Variants in HSF2BP observed in about 807,000 individuals in gnomAD.
The protein encoded by HSF2BP is heat shock factor 2-binding protein.
A neutral mutation model predicts 35.0 loss-of-function variants in HSF2BP; 35 were observed. That is an observed-to-expected ratio of 1.00 (90% CI 0.76 to 1.32). The LOEUF is 1.32. HSF2BP is among the 40% of genes most tolerant of loss of function. The pLI is 0.00. For synonymous variants in HSF2BP, 114 were observed against 117.4 expected, an observed-to-expected ratio of 0.97 and a Z score of 0.18; for missense variants, 326 against 321.7, an observed-to-expected ratio of 1.01 and a Z score of -0.10.
chr21:43,633,805 A>C (rs1289833026), intron 4 of HSF2BP, among the ~76,000 whole-genome samples: 1 of 152,250 alleles, frequency 6.6e-6, no homozygotes, highest in African/African-American at 2.4e-5. Flanking sequence ...AACATTTCTA[A>C]GACAGGAGAC....
intron 3 of HSF2BP, among the ~76,000 whole-genome samples, chr21:43,655,630 T>A (rs1490713228): frequency 6.6e-6 from 1 of 152,058 alleles, no homozygotes. Context: ...AACCTCTCTC[T>A]CCACCCAGCA....
intron 5 of HSF2BP, among the ~76,000 whole-genome samples, chr21:43,632,403 CCA>C (rs1486868788): frequency 3.3e-5 from 4 of 120,398 alleles, no homozygotes; most frequent in South Asian, 5.6e-4. Flanking sequence ...ACACACTCCC[CCA>C]CACACACATG....
chr21:43,623,727 G>T (rs996971048), intron 6 of HSF2BP, among the ~76,000 whole-genome samples: 2 of 152,126 alleles, frequency 1.3e-5, no homozygotes, highest in South Asian at 4.1e-4. Flanking sequence ...ATATTTGTTT[G>T]CTACCTGTTG....
chr21:43,616,139 ATG>A (rs1211750532), intron 6 of HSF2BP, among the ~76,000 whole-genome samples: 1 of 152,080 alleles, frequency 6.6e-6, no homozygotes, highest in African/African-American at 2.4e-5. Flanking sequence ...GCCTGGCCTC[ATG>A]TTCAGACCCT....
At chr21:43,617,308 T>C (rs2146939674) in intron 6 of HSF2BP, among the ~76,000 whole-genome samples, 1 of 152,188 alleles carries the variant, frequency 6.6e-6, no homozygotes, top group African/African-American at 2.4e-5. Context: ...ATGAAGTCTG[T>C]ATCATATATC....
chr21:43,647,771 A>C (rs528822751), intron 3 of HSF2BP, among the ~76,000 whole-genome samples: 1 of 152,012 alleles, frequency 6.6e-6, no homozygotes, highest in Non-Finnish European at 1.5e-5. Context: ...TCTACTAAAA[A>C]TACAAAAATT....
At chr21:43,638,932 T>C (rs1403351807) in intron 4 of HSF2BP, among the ~76,000 whole-genome samples, 1 of 152,230 alleles carries the variant, frequency 6.6e-6, no homozygotes, top group Non-Finnish European at 1.5e-5. Context: ...GTAATCAGAA[T>C]AATGTATTAT....
At chr21:43,595,962 C>T (rs913350608) in intron 7 of HSF2BP, among the ~76,000 whole-genome samples, 2 of 151,578 alleles carry the variant, frequency 1.3e-5, no homozygotes, top group East Asian at 1.9e-4. Flanking sequence ...CCTCATGATC[C>T]GCCCACCTCA....
intron 3 of HSF2BP, among the ~76,000 whole-genome samples, chr21:43,645,261 G>A (rs929738838): frequency 1.1e-4 from 16 of 152,276 alleles, no homozygotes; most frequent in Admixed American, 4.6e-4. Context: ...AATCCCTGGA[G>A]GACTTGATAA....
In HSF2BP at chr21:43,630,314, G is replaced by A. The variant is rs374220702; in HGVS notation, c.574+8C>T. ...CAGGCAACATCTCTCAGGTGCGCCT[G>A]CACTTACTCGTGACAATTCCAGCCA... is the stretch of plus-strand genomic sequence containing the variant. On this transcript the variant is annotated splice_region_variant and intron_variant, in intron 6 of 8. Coordinates refer to ENST00000291560, the MANE Select transcript of HSF2BP (RefSeq NM_007031.2). The A allele has an allele frequency of 5.0e-4, 807 of 1,609,490 alleles. No homozygotes were observed. Among genetic ancestry groups the A allele is most frequent in the Admixed American group, 1.1e-3 (65 of 59,112 alleles).
chr21:43,603,467 C>T (rs184044862), intron 7 of HSF2BP, among the ~76,000 whole-genome samples: 1 of 152,216 alleles, frequency 6.6e-6, no homozygotes, highest in Admixed American at 6.5e-5. Flanking sequence ...CAGAACCCTG[C>T]CAGGGGCATG....
rs1400748979 is a variant in HSF2BP at position 43,571,882 on chromosome 21, T to TAA, written c.796+20341_796+20342dup. 1.4e-5 allele frequency among the ~76,000 whole-genome samples: 2 copies of TAA among 146,412 alleles called. 1 individual carries two copies. Among genetic ancestry groups the TAA allele is most frequent in the Admixed American group, 1.4e-4 (2 of 14,562 alleles). On this transcript the variant is annotated intron_variant, in intron 8 of 8. Transcript: ENST00000291560. ...GTTTTCAGTGGGGATGTCAGTGGTG[T>TAA]AATCCGACTGTGAAAGATCAGTCTA...
At chr21:43,609,302 C>A (rs2082173485) in intron 7 of HSF2BP, among the ~76,000 whole-genome samples, 1 of 152,114 alleles carries the variant, frequency 6.6e-6, no homozygotes, top group Non-Finnish European at 1.5e-5. Flanking sequence ...GGGAGAGGAA[C>A]AAGGACTGAA....
At chr21:43,616,201 G>A (rs1464312088) in intron 6 of HSF2BP, among the ~76,000 whole-genome samples, 1 of 152,144 alleles carries the variant, frequency 6.6e-6, no homozygotes, top group African/African-American at 2.4e-5. Flanking sequence ...GAACGCAGCA[G>A]AATGCACACC....
At chr21:43,652,995 C>T (rs983315090) in intron 3 of HSF2BP, among the ~76,000 whole-genome samples, 4 of 151,868 alleles carry the variant, frequency 2.6e-5, no homozygotes, top group Admixed American at 6.6e-5. Flanking sequence ...AATTAGCTGG[C>T]GTGGTGGCAC....
At chr21:43,626,975 C>A (rs1319469073) in intron 6 of HSF2BP, among the ~76,000 whole-genome samples, 3 of 151,948 alleles carry the variant, frequency 2.0e-5, no homozygotes, top group Non-Finnish European at 4.4e-5. Flanking sequence ...TCAAGCAATT[C>A]TCCTGCCTCA....
In HSF2BP at chr21:43,592,244, CA is replaced by C. The variant is rs1342136399; in HGVS notation, c.776del (p.Leu259CysfsTer6). The C allele has an allele frequency of 6.2e-7, 1 of 1,613,330 alleles. No homozygotes were observed. Among genetic ancestry groups the C allele is most frequent in the South Asian group, 1.1e-5 (1 of 91,052 alleles). On this transcript the variant is annotated frameshift_variant, in exon 8 of 9. Coordinates refer to ENST00000291560, the MANE Select transcript of HSF2BP (RefSeq NM_007031.2). LOFTEE classifies it high-confidence loss of function. ...CCTTACCACTCAAAAGCCACCACAG[CA>C]AAGGGATGAATCCTGGACTCTCGCT... ...YISESPGFIP[L>X]LWWLLSDPDA...
chr21:43,646,323 C>T (rs1428048170), intron 3 of HSF2BP, among the ~76,000 whole-genome samples: 1 of 152,130 alleles, frequency 6.6e-6, no homozygotes, highest in African/African-American at 2.4e-5. Context: ...CTAGGAAGCA[C>T]TATGCTTTAA....
intron 6 of HSF2BP, among the ~76,000 whole-genome samples, chr21:43,617,314 A>G (rs896032840): frequency 2.0e-5 from 3 of 152,112 alleles, no homozygotes; most frequent in Non-Finnish European, 2.9e-5. Flanking sequence ...TCTGTATCAT[A>G]TATCTAGTAT....
Sources: gnomAD v4.1 joint callset for allele counts (sites outside exome capture counted in the v4.1 genomes callset) on GRCh38, gnomAD v4.1.1 for gene constraint, MANE v1.5 for transcripts, NCBI Gene and HGNC (gene_info 2026-07-23, HGNC 2026-07-21) for gene names.